The following NAV3 variants were observed in gnomAD, a reference collection of about 807,000 sequenced individuals.
The protein encoded by NAV3 is pore membrane and/or filament interacting like protein 1.
A neutral mutation model predicts 244.7 loss-of-function variants in NAV3; 87 were observed. The ratio of observed to expected loss-of-function variants is 0.36; its 90% CI spans 0.30 to 0.42. The LOEUF (loss-of-function observed/expected upper bound fraction) is 0.42, where lower values mean the gene tolerates loss of function less well. Among genes scored for constraint, NAV3 ranks in the 20% least tolerant of loss-of-function variants. The pLI is 1.00. For synonymous variants in NAV3, 1,126 were observed against 1,042.2 expected (o/e 1.08, Z -1.55); for missense variants, 2,663 against 2,893.3 (o/e 0.92, Z 1.83).
chr12:77,788,947 A>T (rs570275654), intron 2 of NAV3, among the ~76,000 whole-genome samples: 1 of 152,210 alleles, frequency 6.6e-6, no homozygotes, highest in East Asian at 1.9e-4. Context: ...CCCCAGCAAG[A>T]GCTCTGAAAA....
chr12:78,089,171 T>C (rs1953792679), intron 12 of NAV3, among the ~76,000 whole-genome samples: 1 of 152,062 alleles, frequency 6.6e-6, no homozygotes, highest in Non-Finnish European at 1.5e-5. Context: ...CCCTTCCCCT[T>C]TTCCCAAAAA....
At chr12:78,039,111 A>G (rs1198156034) in intron 9 of NAV3, among the ~76,000 whole-genome samples, 4 of 152,096 alleles carry the variant, frequency 2.6e-5, no homozygotes, top group African/African-American at 2.4e-5. Context: ...AAGTAAGGGG[A>G]AGTTTATTCA....
chr12:78,101,895 C>T (rs143156207), intron 12 of NAV3, among the ~76,000 whole-genome samples: 148 of 151,522 alleles, frequency 9.8e-4, no homozygotes, highest in African/African-American at 3.4e-3. Flanking sequence ...ATTATTGTGC[C>T]GAATAATATG....
At chr12:77,868,302 A>G (rs932206357) in intron 1 of NAV3, among the ~76,000 whole-genome samples, 16 of 152,102 alleles carry the variant, frequency 1.1e-4, no homozygotes, top group African/African-American at 3.9e-4. Context: ...GTTACTTAAT[A>G]TATATTAATA....
chr12:77,837,973 T>C (rs538551838), intron 1 of NAV3, among the ~76,000 whole-genome samples: 1 of 152,324 alleles, frequency 6.6e-6, no homozygotes, highest in East Asian at 1.9e-4. Flanking sequence ...AGAAGTTGCC[T>C]GATTGCTGAG....
intron 9 of NAV3, among the ~76,000 whole-genome samples, chr12:78,040,250 A>G (rs918360968): frequency 9.9e-5 from 15 of 152,186 alleles, no homozygotes; most frequent in African/African-American, 3.4e-4. Flanking sequence ...CATGACATGA[A>G]TAAGGCAGCA....
In NAV3 at chr12:77,721,400, T is replaced by C. The variant is rs1225044046; in HGVS notation, c.72+149134T>C. On this transcript the variant is annotated intron_variant, in intron 2 of 8. Transcript: ENST00000550042. ...AGCAAAAAAAAAGCGTATTGAAAAATCTGGGTAATTAACCTTTTTGTTTTA... is the reference window on the plus strand; with the variant it reads ...AGCAAAAAAAAAGCGTATTGAAAAACCTGGGTAATTAACCTTTTTGTTTTA... 2.0e-5 allele frequency among the ~76,000 whole-genome samples: 3 copies of C among 152,086 alleles called. No individual in the cohort carries two copies. In the East Asian group the frequency reaches 5.8e-4, roughly 29 times the overall value.
chr12:77,883,827 A>G (rs949667302), intron 1 of NAV3, among the ~76,000 whole-genome samples: 1 of 152,024 alleles, frequency 6.6e-6, no homozygotes, highest in Non-Finnish European at 1.5e-5. Flanking sequence ...TTTATCTTTC[A>G]GTTTACCACA....
chr12:77,934,829 A>G (rs1190637144), intron 1 of NAV3, among the ~76,000 whole-genome samples: 1 of 152,212 alleles, frequency 6.6e-6, no homozygotes, highest in Non-Finnish European at 1.5e-5. Flanking sequence ...AAGGAAAACA[A>G]TAATGTTTTA....
At chr12:77,597,683 T>C (rs1870233834) in intron 2 of NAV3, among the ~76,000 whole-genome samples, 1 of 152,094 alleles carries the variant, frequency 6.6e-6, no homozygotes, top group African/African-American at 2.4e-5. Flanking sequence ...TGATATTAAA[T>C]AGCTTCCAGT....
intron 2 of NAV3, among the ~76,000 whole-genome samples, chr12:77,640,552 G>C (rs1472556398): frequency 6.6e-6 from 1 of 151,992 alleles, no homozygotes; most frequent in Non-Finnish European, 1.5e-5. Flanking sequence ...TGCTTACTTA[G>C]CATAATATCT....
chr12:78,167,356 C>A (rs1176882790), intron 23 of NAV3, among the ~76,000 whole-genome samples: 3 of 151,586 alleles, frequency 2.0e-5, no homozygotes, highest in Non-Finnish European at 4.4e-5. Flanking sequence ...ATGAGAGATT[C>A]TTCCACTCAT....
At chr12:77,968,764 A>C (rs1359275379) in intron 5 of NAV3, 62 bp downstream of exon 5, 1 of 1,504,864 alleles carries the variant, frequency 6.6e-7, no homozygotes, top group Non-Finnish European at 9.1e-7. Flanking sequence ...CTTGTTTTTA[A>C]CAAATTATTG....
At position 77,762,710 on chromosome 12, in the gene NAV3, G is replaced by T. The variant is rs189543997; in HGVS notation, c.73-177609G>T. Among the ~76,000 whole-genome samples, 472 of 139,546 alleles carry T rather than the reference G, an allele frequency of 3.4e-3. 1 individual carries two copies. Among genetic ancestry groups the T allele is most frequent in the Non-Finnish European group, 5.5e-3 (353 of 64,624 alleles). 91.5% of individuals were successfully genotyped at this position (139,546 alleles called of 152,430 possible). ...AACTCCTTCTCAAATTTCCACCCAG[G>T]CTTCATGGGTTTTTTGTTGTTGTTG... is the stretch of plus-strand genomic sequence containing the variant. On this transcript the variant is annotated intron_variant, in intron 2 of 8. Transcript: ENST00000550042.
At chr12:77,582,612 A>T (rs1022541526) in intron 2 of NAV3, among the ~76,000 whole-genome samples, 12 of 152,250 alleles carry the variant, frequency 7.9e-5, no homozygotes, top group African/African-American at 2.9e-4. Context: ...ATTCATCAAC[A>T]GTCCACACAG....
intron 2 of NAV3, among the ~76,000 whole-genome samples, chr12:77,733,451 G>A (rs1208624268): frequency 6.6e-6 from 1 of 151,966 alleles, no homozygotes; most frequent in Non-Finnish European, 1.5e-5. Flanking sequence ...GAAAGAGAGA[G>A]AGAGAATATG....
At chr12:77,718,892 T>A (rs1324568263) in intron 2 of NAV3, among the ~76,000 whole-genome samples, 1 of 152,108 alleles carries the variant, frequency 6.6e-6, no homozygotes, top group African/African-American at 2.4e-5. Context: ...TGACCTCAGG[T>A]GATCTGCCCA....
intron 2 of NAV3, among the ~76,000 whole-genome samples, chr12:77,598,727 T>C (rs1416760727): frequency 6.6e-6 from 1 of 152,004 alleles, no homozygotes; most frequent in Admixed American, 6.6e-5. Context: ...TAAAGTGACT[T>C]ACAAGAGTAG....
intron 12 of NAV3, among the ~76,000 whole-genome samples, chr12:78,079,253 A>G (rs1340414913): frequency 1.3e-5 from 2 of 152,184 alleles, no homozygotes; most frequent in Non-Finnish European, 2.9e-5. Flanking sequence ...AAATGAAAAG[A>G]CAGTGTGAGA....
Sources: allele counts gnomAD v4.1 joint callset (sites outside exome capture counted in the v4.1 genomes callset), GRCh38; gene constraint gnomAD v4.1.1; transcripts MANE v1.5; gene names NCBI Gene and HGNC (gene_info 2026-07-23, HGNC 2026-07-21).